Variants in NKAIN2 observed in about 807,000 individuals in gnomAD.
NKAIN2 encodes the protein sodium/potassium transporting ATPase interacting 2.
In NKAIN2, 14 loss-of-function variants were observed where a neutral mutation model predicts 32.6. The observed-to-expected ratio is 0.43, with a 90% confidence interval of 0.28 to 0.67. NKAIN2 has a LOEUF of 0.67. Among genes scored for constraint, NKAIN2 ranks in the 30% least tolerant of loss-of-function variants. The pLI is 0.17. For missense variants in NKAIN2, 198 were observed against 258.3 expected (o/e 0.77, Z 1.60); for synonymous variants, 80 against 87.2 (o/e 0.92, Z 0.46).
At chr6:124,060,941 AAAG>A (rs1782894917) in intron 1 of NKAIN2, among the ~76,000 whole-genome samples, 1 of 152,182 alleles carries the variant, frequency 6.6e-6, no homozygotes, top group African/African-American at 2.4e-5. Flanking sequence ...ATGGATAAAA[AAAG>A]AGCATTGCTA....
At chr6:124,409,858 C>T (rs1020586440) in intron 3 of NKAIN2, among the ~76,000 whole-genome samples, 2 of 152,148 alleles carry the variant, frequency 1.3e-5, no homozygotes, top group Non-Finnish European at 2.9e-5. Flanking sequence ...TTAATCATTG[C>T]CTCAATTTCA....
At chr6:124,578,273 G>A (rs141338092) in intron 3 of NKAIN2, among the ~76,000 whole-genome samples, 7 of 152,150 alleles carry the variant, frequency 4.6e-5, no homozygotes, top group African/African-American at 1.7e-4. Flanking sequence ...TGGGGTCCCT[G>A]ATTCTAGGCC....
chr6:124,236,524 G>A (rs986860811), intron 1 of NKAIN2, among the ~76,000 whole-genome samples: 5 of 152,126 alleles, frequency 3.3e-5, no homozygotes, highest in Admixed American at 2.0e-4. Context: ...GTCTAAAAAT[G>A]TTTCTAGAAT....
At chr6:124,111,174 G>A (rs191643317) in intron 1 of NKAIN2, among the ~76,000 whole-genome samples, 47 of 152,194 alleles carry the variant, frequency 3.1e-4, no homozygotes, top group African/African-American at 1.1e-3. Context: ...TGAGAAGAGT[G>A]TGTATTCTGC....
chr6:124,411,765 C>G (rs1774196729), intron 3 of NKAIN2, among the ~76,000 whole-genome samples: 1 of 152,172 alleles, frequency 6.6e-6, no homozygotes, highest in African/African-American at 2.4e-5. Flanking sequence ...TGGATAATAT[C>G]CTGCAGAATG....
intron 4 of NKAIN2, among the ~76,000 whole-genome samples, chr6:124,693,440 C>T (rs886843893): frequency 2.0e-5 from 3 of 152,292 alleles, no homozygotes; most frequent in African/African-American, 7.2e-5. Flanking sequence ...ATCCGTTTCT[C>T]AGAACCATCG....
At chr6:124,586,025 T>A (rs1781699613) in intron 3 of NKAIN2, among the ~76,000 whole-genome samples, 2 of 152,220 alleles carry the variant, frequency 1.3e-5, no homozygotes, top group African/African-American at 4.8e-5. Flanking sequence ...TTTAGCTTAA[T>A]GTTTCTATTC....
intron 1 of NKAIN2, among the ~76,000 whole-genome samples, chr6:123,908,052 T>A (rs775370646): frequency 5.3e-5 from 8 of 152,158 alleles, no homozygotes; most frequent in Non-Finnish European, 1.0e-4. Flanking sequence ...TAAGTGGCAA[T>A]TAACATGTGT....
At chr6:123,900,524 C>T (rs1008660622) in intron 1 of NKAIN2, among the ~76,000 whole-genome samples, 16 of 95,632 alleles carry the variant, frequency 1.7e-4, no homozygotes, top group African/African-American at 6.0e-4. Flanking sequence ...TTTTCTGTCT[C>T]CAGATTAGTT....
rs948886521 is a variant in NKAIN2 at position 124,823,780 on chromosome 6, A to G, written c.*551A>G. The G allele has an allele frequency of 2.6e-5, 4 of 155,072 alleles. No individual in the cohort carries two copies. Among genetic ancestry groups the G allele is most frequent in the African/African-American group, 9.6e-5 (4 of 41,460 alleles). 9.6% of individuals were successfully genotyped at this position (155,072 alleles called of 1,614,324 possible). ...GTTTGCCCTAAAGGCTGTACCGTAC[A>G]TACTTGCCTTAACCCACCTACATTG... On this transcript the variant is annotated 3_prime_UTR_variant, in exon 7 of 7. Coordinates refer to ENST00000368417, the MANE Select transcript of NKAIN2 (RefSeq NM_001040214.3).
intron 2 of NKAIN2, among the ~76,000 whole-genome samples, chr6:124,346,299 A>G (rs1006847265): frequency 6.6e-6 from 1 of 152,140 alleles, no homozygotes; most frequent in African/African-American, 2.4e-5. Context: ...GCTGAAAAAA[A>G]TGTATATTCT....
intron 1 of NKAIN2, among the ~76,000 whole-genome samples, chr6:124,075,014 C>G (rs979908008): frequency 2.0e-5 from 3 of 152,136 alleles, no homozygotes; most frequent in Non-Finnish European, 2.9e-5. Flanking sequence ...GATGAACGTA[C>G]TTACTAGTTT....
At chr6:124,160,220 G>A (rs1004290522) in intron 1 of NKAIN2, among the ~76,000 whole-genome samples, 3 of 152,066 alleles carry the variant, frequency 2.0e-5, no homozygotes, top group Non-Finnish European at 4.4e-5. Flanking sequence ...TTTTCCCCTC[G>A]CTTTATCTAT....
chr6:124,759,010 C>T (rs1778091367), intron 4 of NKAIN2, among the ~76,000 whole-genome samples: 1 of 152,046 alleles, frequency 6.6e-6, no homozygotes. Flanking sequence ...TCTGATTTTT[C>T]AGTCATATAT....
chr6:123,880,264 T>C (rs1219546600), intron 1 of NKAIN2, among the ~76,000 whole-genome samples: 1 of 152,166 alleles, frequency 6.6e-6, no homozygotes, highest in Admixed American at 6.5e-5. Context: ...CTTGTGCCAT[T>C]TGGGTGTGGC....
At chr6:124,519,779 A>T (rs920615839) in intron 3 of NKAIN2, among the ~76,000 whole-genome samples, 1 of 152,226 alleles carries the variant, frequency 6.6e-6, no homozygotes, top group African/African-American at 2.4e-5. Context: ...ATTCTATTTT[A>T]AAAAATAAAA....
Position 124,727,660 on chromosome 6 carries a change from A to G in NKAIN2, c.475-63679A>G, listed in dbSNP as rs892560893. The stretch of plus-strand genomic sequence containing the variant: ...AGAAACTCCATCAACTAACGAGCAA[A>G]ATAAGCAACTAACATCATAATGACA... On this transcript the variant is annotated intron_variant, in intron 4 of 6. Coordinates refer to ENST00000368417, the MANE Select transcript of NKAIN2 (RefSeq NM_001040214.3). Among the ~76,000 whole-genome samples the G allele has an allele frequency of 6.4e-4, 97 of 151,040 alleles. 1 individual carries two copies. The highest frequency in any genetic ancestry group is 1.0e-3 in the Non-Finnish European group (70 of 67,608).
intron 1 of NKAIN2, among the ~76,000 whole-genome samples, chr6:124,127,818 C>G (rs1786254700): frequency 6.6e-6 from 1 of 151,806 alleles, no homozygotes; most frequent in African/African-American, 2.4e-5. Context: ...GTGAGGAGGT[C>G]GATGGTTGCT....
intron 4 of NKAIN2, among the ~76,000 whole-genome samples, chr6:124,667,535 A>G (rs910566902): frequency 1.3e-5 from 2 of 152,128 alleles, no homozygotes; most frequent in Non-Finnish European, 2.9e-5. Flanking sequence ...ATAAAAGGTC[A>G]GCATCCTTCT....
Sources: gnomAD v4.1 joint callset for allele counts (sites outside exome capture counted in the v4.1 genomes callset) on GRCh38, gnomAD v4.1.1 for gene constraint, MANE v1.5 for transcripts, NCBI Gene and HGNC (gene_info 2026-07-23, HGNC 2026-07-21) for gene names.